Variants in GSE1 observed in about 807,000 individuals in gnomAD.
GSE1 encodes Gse1 coiled-coil protein.
In GSE1, 32 loss-of-function variants were observed where a neutral mutation model predicts 112.6. The ratio of observed to expected loss-of-function variants is 0.28; its 90% CI spans 0.21 to 0.38. The LOEUF is 0.38. Among genes scored for constraint, GSE1 ranks in the 10% least tolerant of loss-of-function variants. The probability of loss-of-function intolerance (pLI) is 1.00; values close to 1 mark genes in which losing one functional copy is unlikely to be tolerated. For missense variants in GSE1, 2,348 were observed against 1,699.2 expected (o/e 1.38, Z -6.71); for synonymous variants, 1,115 against 735.6 (o/e 1.52, Z -8.35).
intron 1 of GSE1, among the ~76,000 whole-genome samples, chr16:85,187,189 G>C (rs2074721551): frequency 6.6e-6 from 1 of 152,226 alleles, no homozygotes; most frequent in South Asian, 2.1e-4. Context: ...CCTGGAGCTT[G>C]GGGCCTAGGA....
At chr16:85,606,680 C>CT (rs1165309932), upstream of GSE1, among the ~76,000 whole-genome samples, 5 of 152,248 alleles carry the variant, frequency 3.3e-5, no homozygotes, top group Non-Finnish European at 7.3e-5. Flanking sequence ...ATCCCTGTGG[C>CT]TTGCCTGTGG....
intron 1 of GSE1, among the ~76,000 whole-genome samples, chr16:85,331,280 G>C (rs1019357476): frequency 1.3e-5 from 2 of 148,596 alleles, no homozygotes; most frequent in African/African-American, 4.9e-5. Flanking sequence ...AGCCTCCCAA[G>C]TAGCTGGGAT....
At chr16:85,527,272 C>T (rs893017544) in intron 2 of GSE1, among the ~76,000 whole-genome samples, 35 of 152,198 alleles carry the variant, frequency 2.3e-4, no homozygotes, top group African/African-American at 8.0e-4. Context: ...TGTGCACACG[C>T]GCGTGTTAAA....
intron 1 of GSE1, among the ~76,000 whole-genome samples, chr16:85,603,524 A>G (rs927040943): frequency 3.3e-5 from 5 of 152,226 alleles, no homozygotes; most frequent in Non-Finnish European, 7.3e-5. Flanking sequence ...GTTTTGAGAC[A>G]GGGTCTCACT....
chr16:85,606,734 G>A (rs371591785), upstream of GSE1, among the ~76,000 whole-genome samples: 1 of 152,198 alleles, frequency 6.6e-6, no homozygotes, highest in East Asian at 1.9e-4. Flanking sequence ...TCAGACACCT[G>A]GGACACTTAG....
chr16:85,251,466 C>T (rs925964939), intron 1 of GSE1, among the ~76,000 whole-genome samples: 2 of 152,248 alleles, frequency 1.3e-5, no homozygotes, highest in African/African-American at 4.8e-5. Flanking sequence ...TTTCCCTGGG[C>T]TCAGCAGGAA....
At chr16:85,451,368 G>C (rs1461299256) in intron 2 of GSE1, among the ~76,000 whole-genome samples, 1 of 152,226 alleles carries the variant, frequency 6.6e-6, no homozygotes, top group Non-Finnish European at 1.5e-5. Context: ...CTCCTGTGCT[G>C]AGTGTGCCAG....
chr16:85,379,428 C>A lies in GSE1; in HGVS notation c.2464+21785C>A, dbSNP rs187520462. 2.8e-3 allele frequency among the ~76,000 whole-genome samples: 434 copies of A among 152,294 alleles called. 1 individual carries two copies. The highest frequency in any genetic ancestry group is 0.024 in the Middle Eastern group (7 of 294). On this transcript the variant is annotated intron_variant, in intron 2 of 2. Coordinates refer to the GSE1 transcript ENST00000637419. ...GAAGGGAGAACACAGAGTGGTCTTC[C>A]CCTCCTCTTCTCCCACAGACCCCTC...
intron 2 of GSE1, among the ~76,000 whole-genome samples, chr16:85,383,879 C>T (rs1352481594): frequency 2.0e-5 from 3 of 152,216 alleles, no homozygotes; most frequent in African/African-American, 4.8e-5. Flanking sequence ...CCACTGGTCT[C>T]TGGGCCAGTG....
intron 1 of GSE1, among the ~76,000 whole-genome samples, chr16:85,572,512 C>G (rs12932276): frequency 1.3e-5 from 2 of 151,244 alleles, no homozygotes; most frequent in South Asian, 4.2e-4. Flanking sequence ...CCACACACAC[C>G]ACACACACAC....
intron 1 of GSE1, among the ~76,000 whole-genome samples, chr16:85,351,341 A>G (rs570407895): frequency 5.3e-5 from 8 of 152,348 alleles, no homozygotes; most frequent in African/African-American, 1.9e-4. Context: ...TACTGGGTTT[A>G]CACACTACAA....
intron 1 of GSE1, among the ~76,000 whole-genome samples, chr16:85,237,068 G>T (rs755785024): frequency 5.3e-4 from 80 of 152,248 alleles, no homozygotes; most frequent in Middle Eastern, 3.2e-3. Flanking sequence ...GCTCATGCCT[G>T]TAATCTCAGC....
chr16:85,227,939 A>G (rs1023014368), intron 1 of GSE1, among the ~76,000 whole-genome samples: 3 of 152,142 alleles, frequency 2.0e-5, no homozygotes, highest in African/African-American at 7.2e-5. Flanking sequence ...AGATCAACGC[A>G]GAGAACCCCG....
intron 1 of GSE1, among the ~76,000 whole-genome samples, chr16:85,300,894 A>G (rs2045504877): frequency 6.6e-6 from 1 of 152,194 alleles, no homozygotes; most frequent in Non-Finnish European, 1.5e-5. Context: ...CCCGCCAGCC[A>G]TCCTGCCTCC....
chr16:85,609,250 C>A (rs1022164764), upstream of GSE1, among the ~76,000 whole-genome samples: 12 of 152,104 alleles, frequency 7.9e-5, no homozygotes, highest in African/African-American at 2.7e-4. Context: ...TTAAAAACAA[C>A]CAAAAAAAGA....
intron 2 of GSE1, among the ~76,000 whole-genome samples, chr16:85,459,306 T>C (rs2049913574): frequency 1.3e-5 from 2 of 152,128 alleles, no homozygotes; most frequent in South Asian, 4.2e-4. Flanking sequence ...CCCATATGGC[T>C]CCTTTGTGCA....
chr16:85,202,864 G>A (rs183093932), intron 1 of GSE1, among the ~76,000 whole-genome samples: 2,180 of 152,260 alleles, frequency 0.014, 25 homozygotes, highest in African/African-American at 0.033. Flanking sequence ...TCCTGCGCTC[G>A]CCCTGGAGAC....
chr16:85,451,279 C>G lies in GSE1; in HGVS notation c.2464+93636C>G, dbSNP rs529247533. ...GGTCATTCCCCACCTCCAGCCCCTG[C>G]ACCCACGGGTCTGTTTTCTGACTTG... is the stretch of plus-strand genomic sequence containing the variant. On this transcript the variant is annotated intron_variant, in intron 2 of 2. Coordinates refer to the GSE1 transcript ENST00000637419. Among the ~76,000 whole-genome samples the G allele has an allele frequency of 5.3e-5, 8 of 152,330 alleles. No individual in the cohort carries two copies. The East Asian group carries it at 1.5e-3, about 29-fold the overall frequency.
At chr16:85,458,097 A>G (rs78813348) in intron 2 of GSE1, among the ~76,000 whole-genome samples, 2,974 of 152,168 alleles carry the variant, frequency 0.02, 42 homozygotes, top group Non-Finnish European at 0.032. Flanking sequence ...AAACCCTACA[A>G]TCTGCTCCGG....
Sources: gnomAD v4.1 joint callset for allele counts (sites outside exome capture counted in the v4.1 genomes callset) on GRCh38, gnomAD v4.1.1 for gene constraint, MANE v1.5 for transcripts, NCBI Gene and HGNC (gene_info 2026-07-23, HGNC 2026-07-21) for gene names.